Variants in ANKRD30A observed in about 807,000 individuals in gnomAD.
The protein encoded by ANKRD30A is ankyrin repeat domain-containing protein 30A.
ANKRD30A carries 170 observed loss-of-function variants against 166.3 expected under a neutral mutation model. The ratio of observed to expected loss-of-function variants is 1.02; its 90% confidence interval spans 0.90 to 1.16. ANKRD30A has a LOEUF of 1.16. Ranked by LOEUF, ANKRD30A falls within the 50% of genes most tolerant of loss-of-function variation. The pLI, the probability that ANKRD30A is intolerant of heterozygous loss-of-function variation, is 0.00. For missense variants in ANKRD30A, 1,630 were observed against 1,518.0 expected (o/e 1.07, Z -1.23); for synonymous variants, 564 against 508.9 (o/e 1.11, Z -1.46).
intron 17 of ANKRD30A, 69 bp downstream of exon 17, chr10:37,162,917 A>T (rs983179985): frequency 2.1e-5 from 32 of 1,547,516 alleles, no homozygotes; most frequent in Admixed American, 5.5e-5. Flanking sequence ...GTCTTTCTGT[A>T]CCCAATGGTT....
intron 8 of ANKRD30A, among the ~76,000 whole-genome samples, chr10:37,147,003 A>G (rs1837552065): frequency 6.6e-6 from 1 of 151,634 alleles, no homozygotes; most frequent in Non-Finnish European, 1.5e-5. Context: ...AACATGTGTT[A>G]TGGCAGGTAG....
At chr10:37,153,837 T>C (rs1401193621) in intron 13 of ANKRD30A, among the ~76,000 whole-genome samples, 175 bp downstream of exon 13, 1 of 152,134 alleles carries the variant, frequency 6.6e-6, no homozygotes, top group Non-Finnish European at 1.5e-5. Flanking sequence ...ACAGACTATA[T>C]TGAGAGTGCT....
intron 31 of ANKRD30A, among the ~76,000 whole-genome samples, chr10:37,203,478 A>T (rs1030895296): frequency 6.6e-6 from 1 of 152,222 alleles, no homozygotes; most frequent in African/African-American, 2.4e-5. Flanking sequence ...TATTGATGGG[A>T]TGTATCTCAA....
intron 27 of ANKRD30A, among the ~76,000 whole-genome samples, chr10:37,194,417 T>C (rs11011060): frequency 4.1e-4 from 62 of 151,340 alleles, no homozygotes; most frequent in East Asian, 1.2e-3. Flanking sequence ...TCTCGGCTCA[T>C]GCAAGCTCTG....
At chr10:37,126,105 G>A (rs1835991688) in intron 1 of ANKRD30A, 97 bp downstream of exon 1, 1 of 1,339,602 alleles carries the variant, frequency 7.5e-7, no homozygotes, top group East Asian at 2.3e-5. Context: ...TGGGGAAGAA[G>A]GGAGCAGGTG....
At chr10:37,194,927 T>C (rs1421853557) in intron 27 of ANKRD30A, among the ~76,000 whole-genome samples, 1 of 152,148 alleles carries the variant, frequency 6.6e-6, no homozygotes, top group Admixed American at 6.5e-5. Flanking sequence ...ATATTTAAAA[T>C]ACACGAATTG....
chr10:37,212,174 C>T (rs1300738923), intron 31 of ANKRD30A, among the ~76,000 whole-genome samples: 1 of 152,038 alleles, frequency 6.6e-6, no homozygotes, highest in East Asian at 1.9e-4. Flanking sequence ...AGCAAAGTCT[C>T]AGGATACAAA....
chr10:37,263,365 C>G, the ANKRD30A span, among the ~76,000 whole-genome samples: 1 of 151,912 alleles, frequency 6.6e-6, no homozygotes, highest in African/African-American at 2.4e-5. Flanking sequence ...CAGGATGATT[C>G]AAGAACATTA....
At chr10:37,218,302 A>T (rs563905696) in intron 33 of ANKRD30A, among the ~76,000 whole-genome samples, 1 of 151,022 alleles carries the variant, frequency 6.6e-6, no homozygotes, top group African/African-American at 2.4e-5. Flanking sequence ...GAAATAGAAG[A>T]CTTCTTTTAT....
intron 21 of ANKRD30A, among the ~76,000 whole-genome samples, chr10:37,172,127 C>T (rs1309945693): frequency 4.1e-5 from 5 of 123,010 alleles, no homozygotes; most frequent in African/African-American, 1.3e-4. Context: ...TGGCAGATCA[C>T]GAGGTGAGGA....
At chr10:37,242,969 T>G in the ANKRD30A span, among the ~76,000 whole-genome samples, 1 of 152,242 alleles carries the variant, frequency 6.6e-6, no homozygotes, top group Non-Finnish European at 1.5e-5. Flanking sequence ...CATCGTGTTC[T>G]TTGTATGCAC....
intron 25 of ANKRD30A, among the ~76,000 whole-genome samples, chr10:37,190,572 T>G (rs1448987410): frequency 6.6e-6 from 1 of 151,938 alleles, no homozygotes; most frequent in East Asian, 1.9e-4. Flanking sequence ...GTCTAGTGAT[T>G]ATTTTTGCTA....
the ANKRD30A span, among the ~76,000 whole-genome samples, chr10:37,250,743 C>T: frequency 6.6e-6 from 1 of 152,186 alleles, no homozygotes; most frequent in South Asian, 2.1e-4. Context: ...CTATGAGGAA[C>T]GGGCCCTTGC....
chr10:37,263,945 A>G, the ANKRD30A span, among the ~76,000 whole-genome samples: 1 of 152,170 alleles, frequency 6.6e-6, no homozygotes, highest in Non-Finnish European at 1.5e-5. Flanking sequence ...GAACTTGCAT[A>G]TGGATTAGAT....
rs571141988 is a variant in ANKRD30A at position 37,217,866 on chromosome 10, T to C, written c.3255T>C (p.Ser1085=). The part of the protein sequence containing the change: ...IQDIELKSVE[S]NLNQVSHTHE... ...ATATAGAATTGAAGAGTGTAGAAAGTAATTTGAATCAGGTAAATCAATCTC... is the reference window on the plus strand; with the variant it reads ...ATATAGAATTGAAGAGTGTAGAAAGCAATTTGAATCAGGTAAATCAATCTC... Residue 1085 remains serine (S), a synonymous_variant, in exon 33 of 36, where the codon AGT becomes AGC. Coordinates refer to ENST00000361713, the MANE Select transcript of ANKRD30A (RefSeq NM_052997.3). The C allele has an allele frequency of 5.2e-6, 8 of 1,546,598 alleles. No individual in the cohort carries two copies. The highest frequency in any genetic ancestry group is 1.4e-5 in the African/African-American group (1 of 70,544).
In ANKRD30A at chr10:37,142,157, G is replaced by A; in HGVS notation, c.1260G>A (p.Glu420=). ...AKGRPRKIAW[E]KKETPVKTGC... ...GAAGACCTAGGAAGATCGCATGGGA[G>A]AAAAAAGAAACACCTGTAAAGACTG... The change falls in exon 7 of 36, where the codon GAG becomes GAA. Residue 420 remains glutamate (E), a synonymous_variant. Coordinates refer to ENST00000361713, the MANE Select transcript of ANKRD30A (RefSeq NM_052997.3). 6.2e-7 allele frequency: 1 copy of A among 1,613,950 alleles called. No homozygotes were observed. The highest frequency in any genetic ancestry group is 8.5e-7 in the Non-Finnish European group (1 of 1,180,006).
At chr10:37,249,421 C>A in the ANKRD30A span, among the ~76,000 whole-genome samples, 1 of 151,384 alleles carries the variant, frequency 6.6e-6, no homozygotes, top group Non-Finnish European at 1.5e-5. Context: ...GTAAATAGAG[C>A]TAAGAATGCC....
the ANKRD30A span, among the ~76,000 whole-genome samples, chr10:37,240,675 TTCTA>T: frequency 2.0e-5 from 3 of 152,152 alleles, no homozygotes; most frequent in African/African-American, 7.2e-5. Flanking sequence ...TGCTCCTCCC[TTCTA>T]TCTGACATAT....
chr10:37,141,205 T>C (rs1003119470), intron 6 of ANKRD30A, among the ~76,000 whole-genome samples: 2 of 152,176 alleles, frequency 1.3e-5, no homozygotes, highest in Admixed American at 1.3e-4. Flanking sequence ...TTATTACTTA[T>C]TATGTCATGT....
Sources: allele counts gnomAD v4.1 joint callset (sites outside exome capture counted in the v4.1 genomes callset), GRCh38; gene constraint gnomAD v4.1.1; transcripts MANE v1.5; gene names NCBI Gene and HGNC (gene_info 2026-07-23, HGNC 2026-07-21).